ADAM9: variants seen among roughly 807,000 people sequenced by gnomAD.
ADAM9 encodes disintegrin and metalloproteinase domain-containing protein 9.
A neutral mutation model predicts 108.1 loss-of-function variants in ADAM9; 54 were observed. The ratio of observed to expected loss-of-function variants is 0.50; its 90% CI spans 0.40 to 0.63. The LOEUF (loss-of-function observed/expected upper bound fraction) is 0.63. Among genes scored for constraint, ADAM9 ranks in the 20% least tolerant of loss-of-function variants. The pLI is 0.00. For missense variants in ADAM9, 830 were observed against 997.7 expected, an observed-to-expected ratio of 0.83 and a Z score of 2.26; for synonymous variants, 316 against 336.0, an observed-to-expected ratio of 0.94 and a Z score of 0.65.
chr8:39,090,538 G>A (rs966940493), intron 19 of ADAM9, among the ~76,000 whole-genome samples: 2 of 152,092 alleles, frequency 1.3e-5, no homozygotes, highest in East Asian at 3.9e-4. Flanking sequence ...CTCTAAAATA[G>A]GGTTCTAAGT....
intron 9 of ADAM9, among the ~76,000 whole-genome samples, chr8:39,023,716 A>T (rs889399077): frequency 2.1e-5 from 3 of 145,146 alleles, no homozygotes; most frequent in African/African-American, 7.7e-5. Flanking sequence ...TTTCCTAGGC[A>T]TGCTTTGAGT....
intron 15 of ADAM9, chr8:39,075,823 A>C (rs1025061568): frequency 6.6e-6 from 1 of 152,192 alleles, no homozygotes; most frequent in South Asian, 2.1e-4. Flanking sequence ...TCAGCTAATT[A>C]TGTGAGATAG....
At chr8:39,048,462 C>G (rs1172100519) in intron 12 of ADAM9, among the ~76,000 whole-genome samples, 1 of 152,104 alleles carries the variant, frequency 6.6e-6, no homozygotes. Context: ...TTTCAGTCTT[C>G]TTAAATTTCT....
intron 14 of ADAM9, among the ~76,000 whole-genome samples, chr8:39,070,096 T>C (rs1403038014): frequency 1.4e-5 from 2 of 140,346 alleles, no homozygotes; most frequent in Non-Finnish European, 3.0e-5. Context: ...AAGGCTGCAG[T>C]GAGCTATGAC....
chr8:39,071,722 C>G (rs1239485826), intron 15 of ADAM9, among the ~76,000 whole-genome samples: 1 of 152,182 alleles, frequency 6.6e-6, no homozygotes, highest in African/African-American at 2.4e-5. Context: ...GCCTCAGCCT[C>G]CCAAAGTGCT....
chr8:38,997,273 G>C, intron 1 of ADAM9, 113 bp downstream of exon 1: 1 of 1,270,806 alleles, frequency 7.9e-7, no homozygotes. Flanking sequence ...ATCGGACCCG[G>C]GGTCGGGGGG....
In ADAM9 at chr8:39,042,145, G is replaced by A. The variant is rs1336671917; in HGVS notation, c.1302+28G>A. ...CAGTTTAATTTTTGACTTTTGCCTTGTAAAATTGCCATGATATTTGCAAGA... is the reference window on the plus strand; with the variant it reads ...CAGTTTAATTTTTGACTTTTGCCTTATAAAATTGCCATGATATTTGCAAGA... On this transcript the variant is annotated intron_variant, in intron 12 of 21. Transcript: ENST00000487273. 1.9e-6 allele frequency: 3 copies of A among 1,613,034 alleles called. No homozygotes were observed. In the Admixed American group the frequency reaches 5.0e-5, roughly 27 times the overall value.
intron 4 of ADAM9, chr8:39,014,262 A>G: frequency 1.9e-6 from 1 of 524,574 alleles, no homozygotes; most frequent in Non-Finnish European, 3.4e-6. Flanking sequence ...TTTTTTTTTT[A>G]AAGACTAGGA....
At chr8:39,019,310 A>C (rs1231984403) in intron 7 of ADAM9, among the ~76,000 whole-genome samples, 2 of 152,126 alleles carry the variant, frequency 1.3e-5, no homozygotes, top group Non-Finnish European at 2.9e-5. Flanking sequence ...ATTTGAGATA[A>C]CCTATATTGC....
At chr8:39,046,588 T>C (rs1237380347) in intron 12 of ADAM9, among the ~76,000 whole-genome samples, 2 of 152,174 alleles carry the variant, frequency 1.3e-5, no homozygotes, top group African/African-American at 4.8e-5. Flanking sequence ...TGATTTTAGC[T>C]ATGGGAATTT....
intron 20 of ADAM9, 43 bp downstream of exon 20, chr8:39,091,389 G>C (rs750426733): frequency 6.6e-7 from 1 of 1,520,398 alleles, no homozygotes; most frequent in South Asian, 1.1e-5. Flanking sequence ...CTGTATTAAA[G>C]GATCAAATGC....
rs1836567688 is a variant in ADAM9 at position 39,017,347 on chromosome 8, A to G, written c.539A>G (p.Lys180Arg). 1 of 1,614,038 alleles carries G rather than the reference A, an allele frequency of 6.2e-7. No individual in the cohort carries two copies. Among genetic ancestry groups the G allele is most frequent in the Non-Finnish European group, 8.5e-7 (1 of 1,180,026 alleles). ...CCTCTGAAATGTGGAGTTTCCAACA[A>G]GGATATAGAGAAAGAAACTGCAAAG... ...KEPLKCGVSN[K>R]DIEKETAKDE... Residue 180 changes from lysine to arginine, a missense_variant, in exon 6 of 22, where the codon AAG (lysine) becomes AGG (arginine). Coordinates refer to ENST00000487273, the MANE Select transcript of ADAM9 (RefSeq NM_003816.3).
chr8:39,096,321 TG>T (rs1839503878), intron 20 of ADAM9, among the ~76,000 whole-genome samples: 5 of 151,724 alleles, frequency 3.3e-5, no homozygotes, highest in East Asian at 1.9e-4. Context: ...CATTTTCCTT[TG>T]TGCATATTCT....
chr8:39,003,031 C>T (rs1836053304), intron 1 of ADAM9, among the ~76,000 whole-genome samples: 1 of 152,060 alleles, frequency 6.6e-6, no homozygotes, highest in South Asian at 2.1e-4. Flanking sequence ...AGAGCGCCAC[C>T]AGGCCTGGCT....
At chr8:39,097,674 A>T (rs1163175821) in intron 20 of ADAM9, among the ~76,000 whole-genome samples, 1 of 151,998 alleles carries the variant, frequency 6.6e-6, no homozygotes, top group African/African-American at 2.4e-5. Context: ...TGAATTATGA[A>T]ATGTTTGTTT....
intron 14 of ADAM9, among the ~76,000 whole-genome samples, chr8:39,057,446 C>T (rs1838162379): frequency 6.6e-6 from 1 of 151,148 alleles, no homozygotes; most frequent in African/African-American, 2.4e-5. Context: ...ATATTAGATT[C>T]ATGTAATAAA....
At chr8:39,022,896 A>G (rs985838383) in intron 8 of ADAM9, among the ~76,000 whole-genome samples, 1 of 152,030 alleles carries the variant, frequency 6.6e-6, no homozygotes, top group Non-Finnish European at 1.5e-5. Context: ...GTATTTTAGT[A>G]GAGACGGGAT....
intron 11 of ADAM9, among the ~76,000 whole-genome samples, chr8:39,029,066 A>G (rs907164170): frequency 1.3e-5 from 2 of 152,134 alleles, no homozygotes; most frequent in African/African-American, 2.4e-5. Flanking sequence ...TATGAAGATA[A>G]CATGATTTCA....
At chr8:39,099,094 C>T (rs1331353435) in intron 20 of ADAM9, among the ~76,000 whole-genome samples, 2 of 152,176 alleles carry the variant, frequency 1.3e-5, no homozygotes, top group Non-Finnish European at 2.9e-5. Flanking sequence ...GGCAGTATCA[C>T]CACGGGCCTT....
Sources: gnomAD v4.1 joint callset for allele counts (sites outside exome capture counted in the v4.1 genomes callset) on GRCh38, gnomAD v4.1.1 for gene constraint, MANE v1.5 for transcripts, NCBI Gene and HGNC (gene_info 2026-07-23, HGNC 2026-07-21) for gene names.